KCNT2: variants seen among roughly 807,000 people sequenced by gnomAD.
The protein encoded by KCNT2 is potassium sodium-activated channel subfamily T member 2.
Under a neutral mutation model 153.8 loss-of-function variants are expected in KCNT2, and 67 were observed. That is an observed-to-expected ratio of 0.44 (90% CI 0.36 to 0.53). The LOEUF (loss-of-function observed/expected upper bound fraction) is 0.53. Ranked by LOEUF, KCNT2 falls within the 20% of genes least tolerant of loss-of-function variation. KCNT2 has a pLI of 0.00. For missense variants in KCNT2, 975 were observed against 1,354.8 expected (o/e 0.72, Z 4.40); for synonymous variants, 500 against 458.8 (o/e 1.09, Z -1.15).
intron 13 of KCNT2, among the ~76,000 whole-genome samples, chr1:196,384,152 T>G (rs1466123333): frequency 6.6e-6 from 1 of 152,178 alleles, no homozygotes; most frequent in Non-Finnish European, 1.5e-5. Flanking sequence ...ACCTTAAATT[T>G]ATACAATTTT....
intron 1 of KCNT2, among the ~76,000 whole-genome samples, chr1:196,514,787 T>G (rs1490743345): frequency 6.6e-6 from 1 of 152,196 alleles, no homozygotes; most frequent in African/African-American, 2.4e-5. Context: ...ATATACTTAT[T>G]AATGAATCAT....
intron 1 of KCNT2, among the ~76,000 whole-genome samples, chr1:196,527,744 A>C (rs77082155): frequency 0.011 from 1,702 of 152,276 alleles, 25 homozygotes; most frequent in South Asian, 0.064. Flanking sequence ...AATTTGTTTA[A>C]ATAATTTAAT....
chr1:196,483,021 C>T (rs191863861), intron 3 of KCNT2, among the ~76,000 whole-genome samples: 4 of 152,246 alleles, frequency 2.6e-5, no homozygotes, highest in Non-Finnish European at 4.4e-5. Flanking sequence ...TATAACCTAG[C>T]TGTGTCTACA....
At chr1:196,296,613 A>C (rs1464340932) in intron 22 of KCNT2, among the ~76,000 whole-genome samples, 1 of 152,118 alleles carries the variant, frequency 6.6e-6, no homozygotes, top group East Asian at 1.9e-4. Flanking sequence ...TTCAGCACAG[A>C]ATCTCTCAAG....
At chr1:196,522,015 T>C (rs1466417052) in intron 1 of KCNT2, among the ~76,000 whole-genome samples, 1 of 150,276 alleles carries the variant, frequency 6.7e-6, no homozygotes, top group Non-Finnish European at 1.5e-5. Flanking sequence ...AATAGATTCA[T>C]AAGTAATTAA....
chr1:196,291,621 G>A (rs186194159), intron 22 of KCNT2, among the ~76,000 whole-genome samples: 25 of 152,144 alleles, frequency 1.6e-4, no homozygotes, highest in Admixed American at 1.6e-3. Flanking sequence ...ACCTCTCTGT[G>A]TCTCAAGAAA....
At chr1:196,332,527 G>A (rs1039179018) in intron 17 of KCNT2, among the ~76,000 whole-genome samples, 2 of 152,044 alleles carry the variant, frequency 1.3e-5, no homozygotes, top group Admixed American at 6.6e-5. Flanking sequence ...AAGCTTCAAT[G>A]ACACTGAAGT....
At chr1:196,298,818 T>C (rs1660911603) in intron 22 of KCNT2, among the ~76,000 whole-genome samples, 1 of 146,992 alleles carries the variant, frequency 6.8e-6, no homozygotes, top group Non-Finnish European at 1.5e-5. Flanking sequence ...GGTTGGAAAG[T>C]ATGAATAACA....
intron 8 of KCNT2, among the ~76,000 whole-genome samples, chr1:196,442,152 A>T (rs946039571): frequency 1.1e-4 from 16 of 151,788 alleles, no homozygotes; most frequent in Non-Finnish European, 2.1e-4. Flanking sequence ...TGGATCACCG[A>T]CGGAAAAGCT....
intron 13 of KCNT2, among the ~76,000 whole-genome samples, chr1:196,374,227 TAGA>T (rs1014092061): frequency 1.3e-5 from 2 of 151,756 alleles, no homozygotes; most frequent in African/African-American, 4.8e-5. Flanking sequence ...AATTAAGAAA[TAGA>T]AGATCAAATT....
chr1:196,500,731 C>T (rs1273061220), intron 1 of KCNT2, among the ~76,000 whole-genome samples: 1 of 152,136 alleles, frequency 6.6e-6, no homozygotes, highest in East Asian at 1.9e-4. Flanking sequence ...CTCTTCTGTA[C>T]ACCAAAGGAA....
At chr1:196,392,829 G>A (rs933371710) in intron 13 of KCNT2, among the ~76,000 whole-genome samples, 1 of 151,334 alleles carries the variant, frequency 6.6e-6, no homozygotes, top group African/African-American at 2.4e-5. Context: ...AATGATACAT[G>A]TTTAAACAAT....
At chr1:196,466,079 C>G (rs114773512) in intron 7 of KCNT2, among the ~76,000 whole-genome samples, 1,787 of 152,038 alleles carry the variant, frequency 0.012, 33 homozygotes, top group African/African-American at 0.041. Context: ...AGTTTAGCAT[C>G]TGGCGAAAAG....
At position 196,436,789 on chromosome 1, in the gene KCNT2, T is replaced by A. The variant is rs913422956; in HGVS notation, c.639-7032A>T. ...CTCAAATACAGCACATTCATAAGCA[T>A]AATATTCTATTTTGCCTTATCATAA... On this transcript the variant is annotated intron_variant, in intron 8 of 27. Transcript: ENST00000294725. Among the ~76,000 whole-genome samples, 3 of 150,614 alleles carry A rather than the reference T, an allele frequency of 2.0e-5. No homozygotes were observed. In the East Asian group the frequency reaches 5.9e-4, roughly 30 times the overall value.
At chr1:196,541,241 A>G (rs900183071) in intron 1 of KCNT2, among the ~76,000 whole-genome samples, 2 of 152,050 alleles carry the variant, frequency 1.3e-5, no homozygotes, top group African/African-American at 4.8e-5. Context: ...GTCAGTAAAT[A>G]TGTTTTAAAT....
chr1:196,285,701 C>T lies in KCNT2; in HGVS notation c.2653G>A (p.Gly885Arg). ...AFMFRLPFAA[G>R]RVFSISMLDT... ...AACATACTGATGCTAAACACCCTCC[C>T]AGCAGCAAAAGGCAGTCGAAACATA... The change falls in exon 23 of 28, where the codon GGG becomes AGG. Residue 885 changes from glycine (G) to arginine (R), a missense_variant. By Grantham distance (125) the Gly-to-Arg change is moderately radical. Transcript: ENST00000294725. 3.1e-6 allele frequency: 5 copies of T among 1,613,482 alleles called. No homozygotes were observed. Among genetic ancestry groups the T allele is most frequent in the Non-Finnish European group, 4.2e-6 (5 of 1,179,512 alleles).
intron 22 of KCNT2, among the ~76,000 whole-genome samples, chr1:196,289,460 C>T (rs1351872719): frequency 6.6e-6 from 1 of 152,132 alleles, no homozygotes; most frequent in East Asian, 1.9e-4. Context: ...GCCTGGCACA[C>T]AGTCAGTGAC....
chr1:196,576,089 T>C (rs1170809779), intron 1 of KCNT2, among the ~76,000 whole-genome samples: 1 of 146,974 alleles, frequency 6.8e-6, no homozygotes, highest in Non-Finnish European at 1.5e-5. Flanking sequence ...TATATATATA[T>C]ATGTGTGTGT....
chr1:196,475,260 A>G (rs972267586), intron 5 of KCNT2, among the ~76,000 whole-genome samples: 1 of 152,172 alleles, frequency 6.6e-6, no homozygotes, highest in South Asian at 2.1e-4. Context: ...TCAGCAGTGG[A>G]AACAATTGCT....
Sources: allele counts gnomAD v4.1 joint callset (sites outside exome capture counted in the v4.1 genomes callset), GRCh38; gene constraint gnomAD v4.1.1; transcripts MANE v1.5; gene names NCBI Gene and HGNC (gene_info 2026-07-23, HGNC 2026-07-21).